Variants in SEMA4G observed in about 807,000 individuals in gnomAD.
SEMA4G encodes semaphorin-4G.
A neutral mutation model predicts 81.2 loss-of-function variants in SEMA4G; 59 were observed. The ratio of observed to expected loss-of-function variants is 0.73; its 90% CI spans 0.59 to 0.90. The LOEUF (loss-of-function observed/expected upper bound fraction) is 0.90, where lower values mean the gene tolerates loss of function less well. SEMA4G is among the 40% of genes least tolerant of loss of function. SEMA4G has a pLI of 0.00. For missense variants in SEMA4G, 952 were observed against 1,102.3 expected (o/e 0.86, Z 1.93); for synonymous variants, 404 against 433.9 (o/e 0.93, Z 0.86).
upstream of SEMA4G, among the ~76,000 whole-genome samples, chr10:100,971,942 G>T (rs959974076): frequency 6.6e-6 from 1 of 152,210 alleles, no homozygotes; most frequent in Non-Finnish European, 1.5e-5. Context: ...CCTACTTGCA[G>T]ATAGGGACAC....
chr10:100,984,619 T>C (rs11190780), exon 14 of SEMA4G: 168,140 of 1,536,230 alleles, frequency 0.11, 9,824 homozygotes, highest in Non-Finnish European at 0.12. Flanking sequence ...CATGCACACA[T>C]GGAAGAATGT....
In SEMA4G at chr10:100,983,388, C is replaced by T. The variant is rs146245319; in HGVS notation, c.1774C>T (p.Arg592Trp). 1,723 of 1,611,048 alleles carry T rather than the reference C, an allele frequency of 1.1e-3. 3 individuals carry two copies. The highest frequency in any genetic ancestry group is 1.0e-3 in the Non-Finnish European group (1,213 of 1,178,740). ...CTGTGACCAGCCATCCAACCTGGCCCGGGCCTTGTGGCTACTCAATGGGAG... is the reference window on the plus strand; with the variant it reads ...CTGTGACCAGCCATCCAACCTGGCCTGGGCCTTGTGGCTACTCAATGGGAG... Residue 592 changes from arginine to tryptophan, a missense_variant, in exon 14 of 14, where the codon CGG becomes TGG. Coordinates refer to ENST00000370250, the Ensembl canonical transcript of SEMA4G.
chr10:100,979,105 G>T, exon 8 of SEMA4G: 1 of 1,614,068 alleles, frequency 6.2e-7, no homozygotes, highest in Non-Finnish European at 8.5e-7. Context: ...TCCCCAGGGA[G>T]ACCTGGGAGG....
At chr10:100,969,987 G>C, upstream of SEMA4G, 1 of 429,102 alleles carries the variant, frequency 2.3e-6, no homozygotes, top group South Asian at 1.6e-5. Context: ...GGGGGTCCCG[G>C]GGGAGGGGCT....
chr10:100,977,553 C>A, intron 3 of SEMA4G, 79 bp from the exon 5 acceptor site: 1 of 1,164,080 alleles, frequency 8.6e-7, no homozygotes, highest in Non-Finnish European at 1.3e-6. Context: ...GGGGCAAGAG[C>A]CAAACTACAA....
At chr10:100,979,071 G>A in intron 7 of SEMA4G, 31 bp from the exon 9 acceptor site, 1 of 1,613,178 alleles carries the variant, frequency 6.2e-7, no homozygotes, top group South Asian at 1.1e-5. Context: ...CTCTGACCCT[G>A]GCCCCTTATC....
At chr10:100,985,012 C>A (rs1851367435), downstream of SEMA4G, 3 of 1,180,564 alleles carry the variant, frequency 2.5e-6, no homozygotes, top group African/African-American at 1.5e-5. Flanking sequence ...TGTCTTGGAC[C>A]TGTCTGTTGG....
At chr10:100,981,289 G>A in intron 13 of SEMA4G, 60 bp downstream of exon 14, 2 of 1,598,816 alleles carry the variant, frequency 1.3e-6, no homozygotes, top group Non-Finnish European at 1.7e-6. Context: ...GCCATTTACT[G>A]CCATGTGTAC....
chr10:100,984,235 A>G, exon 14 of SEMA4G: 2 of 1,463,818 alleles, frequency 1.4e-6, no homozygotes, highest in South Asian at 2.8e-5. Flanking sequence ...CCCCCACTCC[A>G]TACCCTTCTC....
upstream of SEMA4G, among the ~76,000 whole-genome samples, chr10:100,971,165 A>G (rs982129534): frequency 1.3e-5 from 2 of 152,124 alleles, no homozygotes; most frequent in African/African-American, 4.8e-5. Flanking sequence ...TCACCTTCCT[A>G]ATAGTCACCC....
At chr10:100,983,402 A>G in exon 14 of SEMA4G, 1 of 1,612,358 alleles carries the variant, frequency 6.2e-7, no homozygotes, top group Non-Finnish European at 8.5e-7. Context: ...CCTTGTGGCT[A>G]CTCAATGGGA....
At chr10:100,974,992 G>T (rs533899134) in intron 3 of SEMA4G, 6 of 531,402 alleles carry the variant, frequency 1.1e-5, no homozygotes, top group African/African-American at 1.9e-5. Flanking sequence ...ACTGGGCCAA[G>T]GTGGGCCAGG....
At chr10:100,977,577 G>A in intron 3 of SEMA4G, 55 bp from the exon 5 acceptor site, 1 of 1,401,702 alleles carries the variant, frequency 7.1e-7, no homozygotes, top group Non-Finnish European at 1.0e-6. Context: ...TAGACTAATG[G>A]AGGAGGCTTC....
intron 6 of SEMA4G, 61 bp from the exon 8 acceptor site, chr10:100,978,786 TCA>T: frequency 6.3e-7 from 1 of 1,590,436 alleles, no homozygotes; most frequent in Non-Finnish European, 8.6e-7. Context: ...GGGGTCAGCC[TCA>T]GAGTGAGGGA....
intron 5 of SEMA4G, 45 bp downstream of exon 6, chr10:100,978,433 T>A: frequency 1.2e-6 from 2 of 1,603,872 alleles, no homozygotes; most frequent in Non-Finnish European, 1.7e-6. Flanking sequence ...ATTTTTAGGA[T>A]GTGGATCTCA....
chr10:100,979,343 T>A (rs1351656272), intron 8 of SEMA4G, 72 bp downstream of exon 9: 3 of 1,613,032 alleles, frequency 1.9e-6, no homozygotes, highest in Non-Finnish European at 2.5e-6. Context: ...TCAATGAGGA[T>A]GAGATAGGAT....
exon 11 of SEMA4G, chr10:100,980,592 C>T: frequency 6.2e-7 from 1 of 1,614,062 alleles, no homozygotes; most frequent in African/African-American, 1.3e-5. Context: ...TGGCTGGATC[C>T]ACAAGGCCGT....
rs1405167557 is a variant in SEMA4G at position 100,973,394 on chromosome 10, C to T, written c.273+117C>T. ...ATAGCCCCCTGGTCAGACAGCACTG[C>T]CCTTCCCAGCCCAGGTGTTCCTTGC... On this transcript the variant is annotated intron_variant, in intron 2 of 13. Transcript: ENST00000370250. The surrounding 1 kb of genome is among the most constrained non-coding windows in gnomAD (Gnocchi z 5.5). The T allele has an allele frequency of 6.4e-6, 9 of 1,410,458 alleles. No individual in the cohort carries two copies. Among genetic ancestry groups the T allele is most frequent in the South Asian group, 3.8e-5 (3 of 78,440 alleles). The allele number at this position is 1,410,458 out of a possible 1,614,324, so 87.4% of individuals were successfully genotyped here. A position where few individuals can be genotyped will look rare whatever the true frequency, so the allele number is the denominator to read the frequency against.
Position 100,980,621 on chromosome 10 carries a change from G to A in SEMA4G, c.1395G>A (p.Met465Ile), listed in dbSNP as rs147919269. ...AGGCCGTAGTCCTGGGCTCTGGGATGCACATTATTGAAGAGACACAAGTGT... is the reference window on the plus strand; with the variant it reads ...AGGCCGTAGTCCTGGGCTCTGGGATACACATTATTGAAGAGACACAAGTGT... Residue 465 changes from methionine to isoleucine, a missense_variant, in exon 11 of 14, where the codon ATG (methionine) becomes ATA (isoleucine). Transcript: ENST00000370250. The A allele has an allele frequency of 4.5e-5, 73 of 1,614,076 alleles. No individual in the cohort carries two copies. In the African/African-American group the frequency reaches 8.8e-4, roughly 19 times the overall value.
Sources: gnomAD v4.1 joint callset for allele counts (sites outside exome capture counted in the v4.1 genomes callset) on GRCh38, gnomAD v4.1.1 for gene constraint, Gnocchi (gnomAD v3.1) non-coding constraint, MANE v1.5 for transcripts, NCBI Gene and HGNC (gene_info 2026-07-23, HGNC 2026-07-21) for gene names.